The following SMO variants were observed in gnomAD, a reference collection of about 807,000 sequenced individuals.
SMO encodes the protein smoothened, frizzled class receptor.
In SMO, 40 loss-of-function variants were observed where a neutral mutation model predicts 81.6. The observed-to-expected ratio is 0.49, with a 90% CI of 0.38 to 0.64. The LOEUF (loss-of-function observed/expected upper bound fraction) is 0.64, where lower values mean the gene tolerates loss of function less well. SMO is among the 30% of genes least tolerant of loss of function. The pLI is 0.00. For missense variants in SMO, 916 were observed against 1,061.1 expected (o/e 0.86, Z 1.90); for synonymous variants, 434 against 432.1 (o/e 1.00, Z -0.05).
chr7:129,206,249 C>T lies in SMO; in HGVS notation c.1020C>T (p.His340=), dbSNP rs573563452. ...VWFVVLTYAW[H]TSFKALGTTY... ...TTGTGGTCCTCACCTATGCCTGGCA[C>T]ACTTCCTTCAAAGCCCTGGGCACCA... Residue 340 remains histidine (H), a synonymous_variant, in exon 5 of 12, where the codon CAC becomes CAT. Transcript: ENST00000249373. The surrounding 1 kb of genome is among the most constrained non-coding windows in gnomAD (Gnocchi z 4.4). The T allele has an allele frequency of 1.4e-5, 22 of 1,614,188 alleles. No homozygotes were observed. In the Admixed American group the frequency reaches 1.7e-4, roughly 12 times the overall value.
At chr7:129,190,139 A>G (rs1382255768) in intron 1 of SMO, among the ~76,000 whole-genome samples, 1 of 152,188 alleles carries the variant, frequency 6.6e-6, no homozygotes, top group East Asian at 1.9e-4. Context: ...GCAGGAGGTT[A>G]TGAAGGAATA....
At position 129,206,673 on chromosome 7, in the gene SMO, C is replaced by T; in HGVS notation, c.1264+86C>T. ...GTACTGGGAGCTGCCAGCACGGCTG[C>T]CCCCATGCTGAAACCCCAGCTAGCT... On this transcript the variant is annotated intron_variant, in intron 6 of 11. Coordinates refer to ENST00000249373, the MANE Select transcript of SMO (RefSeq NM_005631.5). This position sits in a 1 kb window ranked among gnomAD's most constrained non-coding sequence, Gnocchi z 4.4. The T allele has an allele frequency of 6.8e-7, 1 of 1,463,828 alleles. No homozygotes were observed. 90.7% of individuals were successfully genotyped at this position (1,463,828 alleles called of 1,614,324 possible).
At position 129,205,016 on chromosome 7, in the gene SMO, A is replaced by AAAAG. The variant is rs10668861; in HGVS notation, c.538-176_538-173dup. 0.83 allele frequency among the ~76,000 whole-genome samples: 125,100 copies of AAAAG among 151,124 alleles called. 52,038 individuals carry two copies. The highest frequency in any genetic ancestry group is 0.89 in the Middle Eastern group (260 of 292). On this transcript the variant is annotated intron_variant, in intron 2 of 11. Coordinates refer to ENST00000249373, the MANE Select transcript of SMO (RefSeq NM_005631.5). ...GAGACTGTCTAAAAAAAGAAAGAAA[A>AAAAG]AAAGAAAGAAAGAAGTGGGGAAACT...
intron 1 of SMO, among the ~76,000 whole-genome samples, chr7:129,194,509 C>T (rs1008516707): frequency 2.3e-4 from 35 of 152,236 alleles, no homozygotes; most frequent in African/African-American, 7.7e-4. Flanking sequence ...ACAGTCAGAC[C>T]CCTGAAGCTC....
intron 1 of SMO, among the ~76,000 whole-genome samples, chr7:129,191,326 C>G (rs977131302): frequency 3.9e-5 from 6 of 152,212 alleles, no homozygotes; most frequent in African/African-American, 1.4e-4. Flanking sequence ...GAACATGTAT[C>G]AATTAGTACC....
At chr7:129,195,676 T>C (rs1015917282) in intron 1 of SMO, among the ~76,000 whole-genome samples, 1 of 152,154 alleles carries the variant, frequency 6.6e-6, no homozygotes, top group Non-Finnish European at 1.5e-5. Context: ...ATTTATACAA[T>C]AAATAAGATC....
At chr7:129,204,197 A>T (rs938358979) in intron 2 of SMO, among the ~76,000 whole-genome samples, 1 of 152,030 alleles carries the variant, frequency 6.6e-6, no homozygotes, top group African/African-American at 2.4e-5. Flanking sequence ...GCCTGATGTC[A>T]TGGTGTGCGC....
At chr7:129,193,700 A>G (rs1294456633) in intron 1 of SMO, among the ~76,000 whole-genome samples, 3 of 137,312 alleles carry the variant, frequency 2.2e-5, no homozygotes, top group African/African-American at 8.2e-5. Flanking sequence ...CAGAGCTTGC[A>G]GTAAGCCGAG....
chr7:129,198,858 G>T (rs1180315879), intron 1 of SMO, among the ~76,000 whole-genome samples: 1 of 152,212 alleles, frequency 6.6e-6, no homozygotes. Flanking sequence ...TTTCACAGAA[G>T]ATATCCTCAT....
rs2150646663 is a variant in SMO at position 129,203,471 on chromosome 7, A to G, written c.419A>G (p.Glu140Gly). The G allele has an allele frequency of 6.3e-7, 1 of 1,590,030 alleles. No individual in the cohort carries two copies. The change falls in exon 2 of 12, where the codon GAG becomes GGG. Residue 140 changes from glutamate to glycine, a missense_variant. Glu to Gly is a moderately conservative substitution (Grantham distance 98). This residue lies in a region of SMO where 436 missense variants were observed against 570.9 expected (regional missense o/e 0.76). Transcript: ENST00000249373. Reference protein sequence around the residue: ...YMPKCENDRVELPSRTLCQAT... With the variant: ...YMPKCENDRVGLPSRTLCQAT... The stretch of plus-strand genomic sequence containing the variant: ...CCCAAGTGTGAGAATGACCGGGTGG[A>G]GCTGCCCAGCCGTACCCTCTGCCAG...
chr7:129,206,056 C>T lies in SMO; in HGVS notation c.921-94C>T, dbSNP rs1354926390. On this transcript the variant is annotated intron_variant, in intron 4 of 11. Coordinates refer to ENST00000249373, the MANE Select transcript of SMO (RefSeq NM_005631.5). This position sits in a 1 kb window ranked among gnomAD's most constrained non-coding sequence, Gnocchi z 4.4. ...GCCCTGACTTCTGGGAACCTCCAGACCTCAGCAGCTGAGGGTCTGGGCACA... is the reference window on the plus strand; with the variant it reads ...GCCCTGACTTCTGGGAACCTCCAGATCTCAGCAGCTGAGGGTCTGGGCACA... 9.1e-7 allele frequency: 1 copy of T among 1,101,986 alleles called. No homozygotes were observed. Among genetic ancestry groups the T allele is most frequent in the African/African-American group, 1.6e-5 (1 of 63,554 alleles). 68.3% of individuals were successfully genotyped at this position (1,101,986 alleles called of 1,614,324 possible). A position where few individuals can be genotyped will look rare whatever the true frequency, so the allele number is the denominator to read the frequency against.
In SMO at chr7:129,212,943, GC is replaced by G; in HGVS notation, c.*494del. ...GTCATTAGTCCTTTGTCTAAGTAGG[GC>G]CAGGGCACCGTATTCCTCTCCCAGG... On this transcript the variant is annotated 3_prime_UTR_variant, in exon 12 of 12. Transcript: ENST00000249373. This position sits in a 1 kb window ranked among gnomAD's most constrained non-coding sequence, Gnocchi z 5.0. 1 of 265,068 alleles carries G rather than the reference GC, an allele frequency of 3.8e-6. No individual in the cohort carries two copies. The highest frequency in any genetic ancestry group is 5.0e-5 in the Admixed American group (1 of 19,872). 16.4% of individuals were successfully genotyped at this position (265,068 alleles called of 1,614,324 possible).
chr7:129,199,280 A>G (rs1000789130), intron 1 of SMO, among the ~76,000 whole-genome samples: 2 of 150,820 alleles, frequency 1.3e-5, no homozygotes, highest in Non-Finnish European at 2.9e-5. Flanking sequence ...CCTGGATTCA[A>G]GCAATTCTCC....
At position 129,210,122 on chromosome 7, in the gene SMO, C is replaced by G; in HGVS notation, c.1467-241C>G. ...GAGATCAGTGCTGTGGAGCTTAGCC[C>G]TTTCTAAAGTTTTTGGATTGATTGT... On this transcript the variant is annotated intron_variant, in intron 8 of 11. Transcript: ENST00000249373. The surrounding 1 kb of genome is among the most constrained non-coding windows in gnomAD (Gnocchi z 4.7). 1 of 457,988 alleles carries G rather than the reference C, an allele frequency of 2.2e-6. No homozygotes were observed. 28.4% of individuals were successfully genotyped at this position (457,988 alleles called of 1,614,324 possible).
intron 1 of SMO, among the ~76,000 whole-genome samples, chr7:129,200,908 A>T (rs575498091): frequency 6.6e-6 from 1 of 151,568 alleles, no homozygotes; most frequent in East Asian, 1.9e-4. Context: ...GTTAATTTTT[A>T]TATTTTTTAG....
At chr7:129,205,516 G>T in intron 3 of SMO, 94 bp from the exon 4 acceptor site, 1 of 1,519,760 alleles carries the variant, frequency 6.6e-7, no homozygotes. Context: ...CCCCAGGGAA[G>T]GGTCATGATC....
At position 129,212,508 on chromosome 7, in the gene SMO, T is replaced by C. The variant is rs1793894372; in HGVS notation, c.*57T>C. The C allele has an allele frequency of 6.6e-7, 1 of 1,503,996 alleles. No homozygotes were observed. The highest frequency in any genetic ancestry group is 9.0e-7 in the Non-Finnish European group (1 of 1,105,368). The allele number at this position is 1,503,996 out of a possible 1,614,324, so 93.2% of individuals were successfully genotyped here. ...GAGGAACCAATACCTTCAAGGCTCTTCTTCCTCACCGAGCATGCTTCCCTA... is the reference window on the plus strand; with the variant it reads ...GAGGAACCAATACCTTCAAGGCTCTCCTTCCTCACCGAGCATGCTTCCCTA... On this transcript the variant is annotated 3_prime_UTR_variant, in exon 12 of 12. Coordinates refer to ENST00000249373, the MANE Select transcript of SMO (RefSeq NM_005631.5). This position sits in a 1 kb window ranked among gnomAD's most constrained non-coding sequence, Gnocchi z 5.0.
At chr7:129,194,435 A>C (rs1055774319) in intron 1 of SMO, among the ~76,000 whole-genome samples, 1 of 152,216 alleles carries the variant, frequency 6.6e-6, no homozygotes, top group African/African-American at 2.4e-5. Flanking sequence ...AGAAAACTGC[A>C]TAAAACACAA....
intron 1 of SMO, among the ~76,000 whole-genome samples, chr7:129,196,152 G>T (rs186755388): frequency 6.6e-6 from 1 of 151,468 alleles, no homozygotes; most frequent in Non-Finnish European, 1.5e-5. Context: ...TATGTACTGC[G>T]ATGTGTTGCT....
Sources: allele counts gnomAD v4.1 joint callset (sites outside exome capture counted in the v4.1 genomes callset), GRCh38; gene constraint gnomAD v4.1.1; regional missense constraint gnomAD v4.1.1; non-coding constraint Gnocchi (gnomAD v3.1); transcripts MANE v1.5; gene names NCBI Gene and HGNC (gene_info 2026-07-23, HGNC 2026-07-21).